CLCN1: variants seen among roughly 807,000 people sequenced by gnomAD.
CLCN1 encodes chloride channel protein 1.
Under a neutral mutation model 114.5 loss-of-function variants are expected in CLCN1, and 100 were observed. The ratio of observed to expected loss-of-function variants is 0.87; its 90% CI spans 0.74 to 1.03. The LOEUF is 1.03. Ranked by LOEUF, CLCN1 falls within the 50% of genes least tolerant of loss-of-function variation. The probability of loss-of-function intolerance (pLI) is 0.00; values close to 1 mark genes in which losing one functional copy is unlikely to be tolerated. For synonymous variants in CLCN1, 485 were observed against 487.1 expected, an observed-to-expected ratio of 1.00 and a Z score of 0.06; for missense variants, 1,188 against 1,250.0, an observed-to-expected ratio of 0.95 and a Z score of 0.75.
chr7:143,350,470 G>A lies in CLCN1; in HGVS notation c.2502G>A (p.Leu834=). The A allele has an allele frequency of 6.2e-7, 1 of 1,613,830 alleles. No individual in the cohort carries two copies. Among genetic ancestry groups the A allele is most frequent in the Non-Finnish European group, 8.5e-7 (1 of 1,179,702 alleles). The part of the protein sequence containing the change: ...SPFQLVEQTT[L]HKTHTLFSLL... ...TCCAGCTGGTGGAGCAGACAACCCT[G>A]CACAAGGTGAGTCTTTTGCTGACTG... Residue 834 remains leucine (L), a synonymous_variant, in exon 21 of 23, where the codon CTG becomes CTA. Coordinates refer to ENST00000343257, the MANE Select transcript of CLCN1 (RefSeq NM_000083.3). This position sits in a 1 kb window ranked among gnomAD's most constrained non-coding sequence, Gnocchi z 5.1.
chr7:143,350,873 G>T lies in CLCN1; in HGVS notation c.2595+219G>T, dbSNP rs976097929. ...GCTCACTGCAACCTCCGCCTCCCGGGTTCAAGTGATTCTCCTGCCTCAGCC... is the reference window on the plus strand; with the variant it reads ...GCTCACTGCAACCTCCGCCTCCCGGTTTCAAGTGATTCTCCTGCCTCAGCC... On this transcript the variant is annotated intron_variant, in intron 22 of 22. Transcript: ENST00000343257. This position sits in a 1 kb window ranked among gnomAD's most constrained non-coding sequence, Gnocchi z 5.1. Among the ~76,000 whole-genome samples the T allele has an allele frequency of 3.3e-5, 5 of 151,972 alleles. No homozygotes were observed. The highest frequency in any genetic ancestry group is 3.3e-4 in the Admixed American group (5 of 15,264).
chr7:143,341,017 A>G (rs1001697124), intron 14 of CLCN1, among the ~76,000 whole-genome samples: 5 of 152,140 alleles, frequency 3.3e-5, no homozygotes, highest in Admixed American at 6.5e-5. Context: ...AAAGTTTCAG[A>G]TCTACAAGCG....
In CLCN1 at chr7:143,346,292, G is replaced by C. The variant is rs1161425099; in HGVS notation, c.2284+41G>C. On this transcript the variant is annotated intron_variant, in intron 18 of 22. Transcript: ENST00000343257. ...CATGCACCCCAACTCACCCCTTGTG[G>C]GTTCTCTCTGGTCACTAGGACCTGA... 3.0e-6 allele frequency: 4 copies of C among 1,321,784 alleles called. No individual in the cohort carries two copies. In the African/African-American group the frequency reaches 5.8e-5, roughly 19 times the overall value. The allele number at this position is 1,321,784 out of a possible 1,614,324, so 81.9% of individuals were successfully genotyped here.
chr7:143,316,842 A>C (rs76269740), intron 1 of CLCN1, among the ~76,000 whole-genome samples: 2,248 of 152,356 alleles, frequency 0.015, 48 homozygotes, highest in African/African-American at 0.051. Flanking sequence ...AGGCAGAAGA[A>C]AGGAATTGGG....
At chr7:143,322,847 G>A (rs1802478208) in intron 5 of CLCN1, among the ~76,000 whole-genome samples, 1 of 152,210 alleles carries the variant, frequency 6.6e-6, no homozygotes, top group Non-Finnish European at 1.5e-5. Context: ...CGTGGCCTTC[G>A]AGACCGTGGA....
At chr7:143,323,700 C>T (rs2272254) in intron 6 of CLCN1, 11,838 of 535,526 alleles carry the variant, frequency 0.022, 1,028 homozygotes, top group East Asian at 0.19. Context: ...TTTCCCTCCA[C>T]GTTTCCCTCG....
chr7:143,340,898 A>G (rs1334699928), intron 14 of CLCN1, among the ~76,000 whole-genome samples: 2 of 152,178 alleles, frequency 1.3e-5, no homozygotes. Context: ...TACCTCTTCC[A>G]TATTTAAATA....
At chr7:143,336,008 A>G (rs573425939) in intron 12 of CLCN1, among the ~76,000 whole-genome samples, 89 of 152,180 alleles carry the variant, frequency 5.8e-4, no homozygotes, top group African/African-American at 2.0e-3. Flanking sequence ...ATCTTCCTTA[A>G]TCTCATGACG....
rs1586485406 is a variant in CLCN1, at chr7:143,321,409, C to T, written c.478C>T (p.Gln160Ter). ...YAQMQPSLPL[Q>*]FLVWVTFPLV... ...GCAGATGCAGCCCAGCCTTCCTCTGCAGTTCCTGGTCTGGGTCACCTTCCC... is the reference window on the plus strand; with the variant it reads ...GCAGATGCAGCCCAGCCTTCCTCTGTAGTTCCTGGTCTGGGTCACCTTCCC... The change falls in exon 4 of 23, where the codon CAG becomes TAG. Residue 160 changes from glutamine (Q) to a stop codon, truncating the protein, a stop_gained. Transcript: ENST00000343257. LOFTEE classifies it high-confidence loss of function. This position sits in a 1 kb window ranked among gnomAD's most constrained non-coding sequence, Gnocchi z 4.2. The T allele has an allele frequency of 1.9e-6, 3 of 1,614,224 alleles. No homozygotes were observed. Among genetic ancestry groups the T allele is most frequent in the Non-Finnish European group, 2.5e-6 (3 of 1,180,028 alleles).
At chr7:143,323,496 AGCAGCATC>A (rs1295306915) in intron 6 of CLCN1, 110 bp downstream of exon 6, 61 of 814,758 alleles carry the variant, frequency 7.5e-5, no homozygotes, top group South Asian at 6.8e-5. Context: ...GTGGTGCTGA[AGCAGCATC>A]GCACTAATCC....
In CLCN1 at chr7:143,321,213, C is replaced by T; in HGVS notation, c.434-152C>T. ...AACAGGCCATGTCGCCTCCATAACT[C>T]AGGCTTCCCATGTGTCAAATGAGAG... On this transcript the variant is annotated intron_variant, in intron 3 of 22. Transcript: ENST00000343257. The surrounding 1 kb of genome is among the most constrained non-coding windows in gnomAD (Gnocchi z 4.2). The T allele has an allele frequency of 1.1e-6, 1 of 921,302 alleles. No homozygotes were observed. The highest frequency in any genetic ancestry group is 1.7e-6 in the Non-Finnish European group (1 of 586,260). 57.1% of individuals were successfully genotyped at this position (921,302 alleles called of 1,614,324 possible).
At chr7:143,317,861 A>G (rs1802328678) in intron 1 of CLCN1, among the ~76,000 whole-genome samples, 1 of 148,602 alleles carries the variant, frequency 6.7e-6, no homozygotes, top group African/African-American at 2.5e-5. Flanking sequence ...AGGAGGGAAG[A>G]CCCCTCCCCC....
intron 14 of CLCN1, among the ~76,000 whole-genome samples, chr7:143,341,469 G>T (rs1183865552): frequency 6.6e-6 from 1 of 151,962 alleles, no homozygotes; most frequent in African/African-American, 2.4e-5. Context: ...TGAGGCAGGA[G>T]AATCACTTGA....
chr7:143,319,969 C>T, intron 2 of CLCN1, 94 bp downstream of exon 2: 1 of 1,324,702 alleles, frequency 7.5e-7, no homozygotes, highest in Non-Finnish European at 1.1e-6. Context: ...TACGTACTCC[C>T]TGCCCTGCTA....
At position 143,321,234 on chromosome 7, in the gene CLCN1, G is replaced by A; in HGVS notation, c.434-131G>A. 2 of 1,095,442 alleles carry A rather than the reference G, an allele frequency of 1.8e-6. No individual in the cohort carries two copies. Among genetic ancestry groups the A allele is most frequent in the South Asian group, 1.3e-5 (1 of 75,088 alleles). The allele number at this position is 1,095,442 out of a possible 1,614,324, so 67.9% of individuals were successfully genotyped here. A position where few individuals can be genotyped will look rare whatever the true frequency, so the allele number is the denominator to read the frequency against. The stretch of plus-strand genomic sequence containing the variant: ...AACTCAGGCTTCCCATGTGTCAAAT[G>A]AGAGCAGCACCATCTCAGAAGGGGC... On this transcript the variant is annotated intron_variant, in intron 3 of 22. Coordinates refer to ENST00000343257, the MANE Select transcript of CLCN1 (RefSeq NM_000083.3). The surrounding 1 kb of genome is among the most constrained non-coding windows in gnomAD (Gnocchi z 4.2).
intron 12 of CLCN1, among the ~76,000 whole-genome samples, chr7:143,338,079 C>T (rs62471042): frequency 0.29 from 43,691 of 151,824 alleles, 6,826 homozygotes; most frequent in Non-Finnish European, 0.36. Context: ...CTCCTGACCT[C>T]GTGATCTGCC....
chr7:143,318,925 T>C (rs759745763), intron 1 of CLCN1, among the ~76,000 whole-genome samples: 1 of 152,204 alleles, frequency 6.6e-6, no homozygotes, highest in Non-Finnish European at 1.5e-5. Flanking sequence ...AGATCTCTTC[T>C]ACTCAGGCTC....
At chr7:143,348,694 T>C (rs1313221644) in intron 20 of CLCN1, among the ~76,000 whole-genome samples, 1 of 152,210 alleles carries the variant, frequency 6.6e-6, no homozygotes, top group African/African-American at 2.4e-5. Context: ...ATTGAAAGAT[T>C]CAATTATATG....
chr7:143,331,587 T>A lies in CLCN1; in HGVS notation c.1101T>A (p.Tyr367Ter). 6.2e-7 allele frequency: 1 copy of A among 1,614,174 alleles called. No individual in the cohort carries two copies. Among genetic ancestry groups the A allele is most frequent in the East Asian group, 2.2e-5 (1 of 44,880 alleles). The change falls in exon 10 of 23, where the codon TAT becomes TAA. Residue 367 changes from tyrosine (Y) to a stop codon, truncating the protein, a stop_gained. Transcript: ENST00000343257. LOFTEE classifies it high-confidence loss of function. Reference protein sequence around the residue: ...CCGLLGAVFVYLHRQVMLGVR... With the variant: ...CCGLLGAVFV Reference sequence around the variant, plus strand: ...GGCTCCTGGGAGCTGTATTTGTGTATCTGCATCGCCAAGTCATGCTCGGTG... The same window carrying A: ...GGCTCCTGGGAGCTGTATTTGTGTAACTGCATCGCCAAGTCATGCTCGGTG...
Sources: gnomAD v4.1 joint callset for allele counts (sites outside exome capture counted in the v4.1 genomes callset) on GRCh38, gnomAD v4.1.1 for gene constraint, Gnocchi (gnomAD v3.1) non-coding constraint, MANE v1.5 for transcripts, NCBI Gene and HGNC (gene_info 2026-07-23, HGNC 2026-07-21) for gene names.